PCDH15: variants seen among roughly 807,000 people sequenced by gnomAD.
PCDH15 encodes the protein protocadherin-15.
PCDH15 carries 129 observed loss-of-function variants against 178.5 expected under a neutral mutation model. That is an observed-to-expected ratio of 0.72 (90% confidence interval 0.63 to 0.84). PCDH15 has a LOEUF of 0.84. PCDH15 is among the 40% of genes least tolerant of loss of function. The pLI is 0.00. For synonymous variants in PCDH15, 800 were observed against 732.0 expected, an observed-to-expected ratio of 1.09 and a Z score of -1.50; for missense variants, 2,230 against 2,099.9, an observed-to-expected ratio of 1.06 and a Z score of -1.21.
chr10:55,072,163 C>A (rs1841763522), intron 2 of PCDH15, among the ~76,000 whole-genome samples: 1 of 152,024 alleles, frequency 6.6e-6, no homozygotes, highest in Non-Finnish European at 1.5e-5. Context: ...GCAAAATTGA[C>A]ACCCTAACAT....
At chr10:54,573,191 C>A (rs2090043947) in intron 2 of PCDH15, among the ~76,000 whole-genome samples, 1 of 152,054 alleles carries the variant, frequency 6.6e-6, no homozygotes, top group African/African-American at 2.4e-5. Context: ...CTTGCCAAAT[C>A]TCCTTCCAAG....
rs533909693 is a variant in PCDH15 at position 54,935,736 on chromosome 10, T to C, written c.-79-38236A>G. 2.0e-5 allele frequency among the ~76,000 whole-genome samples: 3 copies of C among 152,206 alleles called. No homozygotes were observed. The East Asian group carries it at 5.8e-4, about 29-fold the overall frequency. ...ATATTACATACTATCTACCACATAATTCCTTTCTATTATTGCCTCTGAATT... is the reference window on the plus strand; with the variant it reads ...ATATTACATACTATCTACCACATAACTCCTTTCTATTATTGCCTCTGAATT... On this transcript the variant is annotated intron_variant, in intron 2 of 5. Transcript: ENST00000458638.
chr10:54,267,014 T>G (rs571599148), intron 8 of PCDH15, among the ~76,000 whole-genome samples: 1 of 151,854 alleles, frequency 6.6e-6, no homozygotes, highest in Non-Finnish European at 1.5e-5. Flanking sequence ...CTGATGAACA[T>G]AGATGAAAAA....
chr10:53,911,779 C>G (rs181512250), intron 25 of PCDH15, among the ~76,000 whole-genome samples: 1 of 152,122 alleles, frequency 6.6e-6, no homozygotes, highest in East Asian at 1.9e-4. Flanking sequence ...CAATAACAGG[C>G]TCTGAAATTG....
intron 2 of PCDH15, among the ~76,000 whole-genome samples, chr10:55,482,532 C>T (rs1010482815): frequency 1.3e-5 from 2 of 151,794 alleles, no homozygotes; most frequent in African/African-American, 4.8e-5. Flanking sequence ...ATTCCCTCAG[C>T]ATTTGCTTGT....
chr10:54,367,975 T>C (rs1199877456), intron 5 of PCDH15, among the ~76,000 whole-genome samples: 1 of 151,918 alleles, frequency 6.6e-6, no homozygotes, highest in Non-Finnish European at 1.5e-5. Context: ...AGATCATTTA[T>C]ATATAATTAA....
At chr10:55,298,705 C>T (rs183463084) in intron 1 of PCDH15, among the ~76,000 whole-genome samples, 1 of 152,008 alleles carries the variant, frequency 6.6e-6, no homozygotes, top group Non-Finnish European at 1.5e-5. Context: ...CTCCACCTCC[C>T]GAGTAGCTGG....
At chr10:54,222,130 T>C (rs2052897766) in intron 9 of PCDH15, among the ~76,000 whole-genome samples, 1 of 152,238 alleles carries the variant, frequency 6.6e-6, no homozygotes, top group Non-Finnish European at 1.5e-5. Flanking sequence ...TATACCTCTC[T>C]GAATGAATCT....
chr10:54,600,123 G>T, intron 2 of PCDH15: 1 of 855,502 alleles, frequency 1.2e-6, no homozygotes. Flanking sequence ...CAATGGATGT[G>T]CCAGAGAAGA....
intron 3 of PCDH15, among the ~76,000 whole-genome samples, chr10:54,462,966 C>T (rs113301683): frequency 0.015 from 2,342 of 152,048 alleles, 61 homozygotes; most frequent in African/African-American, 0.054. Context: ...CATTTTAAAA[C>T]ATTTCAAACA....
intron 5 of PCDH15, among the ~76,000 whole-genome samples, chr10:54,353,470 A>G (rs529707414): frequency 6.6e-6 from 1 of 152,258 alleles, no homozygotes; most frequent in Non-Finnish European, 1.5e-5. Context: ...CATGTAATGA[A>G]CACCTACACA....
At chr10:54,140,472 CTTTT>C (rs546498025) in intron 14 of PCDH15, among the ~76,000 whole-genome samples, 2 of 144,930 alleles carry the variant, frequency 1.4e-5, no homozygotes, top group African/African-American at 5.0e-5. Flanking sequence ...TTTATTTCTG[CTTTT>C]TTTTTTTTCT....
At chr10:54,696,271 G>A (rs1000870580) in intron 1 of PCDH15, among the ~76,000 whole-genome samples, 2 of 152,068 alleles carry the variant, frequency 1.3e-5, no homozygotes, top group Non-Finnish European at 2.9e-5. Context: ...ACCTACAGAT[G>A]TGGTAGAAAT....
intron 1 of PCDH15, among the ~76,000 whole-genome samples, chr10:54,756,089 A>ACACACACACACACACACACACACACACT (rs143374986): frequency 4.0e-5 from 6 of 148,226 alleles, no homozygotes; most frequent in Admixed American, 3.4e-4. Flanking sequence ...ACACACACAC[A>ACACACACACACACACACACACACACACT]CACACACAAA....
chr10:54,621,495 T>C lies in PCDH15; in HGVS notation c.91+42677A>G, dbSNP rs143004409. ...GTTGTTCTGAATTGTCTTACCCTCT[T>C]AAAATCAGATGTTTTAAGCAGATAA... On this transcript the variant is annotated intron_variant, in intron 2 of 37. Coordinates refer to ENST00000644397, the MANE Select transcript of PCDH15 (RefSeq NM_001384140.1). Among the ~76,000 whole-genome samples the C allele has an allele frequency of 3.8e-4, 58 of 152,180 alleles. No homozygotes were observed. In the East Asian group the frequency reaches 0.011, roughly 28 times the overall value.
At chr10:54,720,243 A>G (rs12412622) in intron 1 of PCDH15, among the ~76,000 whole-genome samples, 1 of 152,028 alleles carries the variant, frequency 6.6e-6, no homozygotes, top group Non-Finnish European at 1.5e-5. Context: ...ATACATGCAC[A>G]AGCATGTTTA....
At chr10:54,717,015 T>C (rs1322397266) in intron 1 of PCDH15, among the ~76,000 whole-genome samples, 1 of 148,960 alleles carries the variant, frequency 6.7e-6, no homozygotes, top group African/African-American at 2.5e-5. Context: ...GGGGAAAGGA[T>C]TCCCTATTTA....
intron 2 of PCDH15, among the ~76,000 whole-genome samples, chr10:55,005,002 G>A (rs987618819): frequency 2.0e-5 from 3 of 152,020 alleles, no homozygotes; most frequent in East Asian, 1.9e-4. Flanking sequence ...TTCTGGGATC[G>A]TGAAAAGGCT....
chr10:55,418,149 G>C (rs1565118290), intron 2 of PCDH15, among the ~76,000 whole-genome samples: 1 of 151,314 alleles, frequency 6.6e-6, no homozygotes, highest in Non-Finnish European at 1.5e-5. Context: ...ATAAATAAAG[G>C]GTATAACATC....
Sources: gnomAD v4.1 joint callset for allele counts (sites outside exome capture counted in the v4.1 genomes callset) on GRCh38, gnomAD v4.1.1 for gene constraint, MANE v1.5 for transcripts, NCBI Gene and HGNC (gene_info 2026-07-23, HGNC 2026-07-21) for gene names.